The following SYT14 variants were observed in gnomAD, a reference collection of about 807,000 sequenced individuals.
SYT14 encodes synaptotagmin 14, also known as synaptotagmin-14.
Under a neutral mutation model 74.2 loss-of-function variants are expected in SYT14, and 32 were observed. The observed-to-expected ratio is 0.43, with a 90% CI of 0.33 to 0.58. SYT14 has a LOEUF of 0.58. Among genes scored for constraint, SYT14 ranks in the 20% least tolerant of loss-of-function variants. The pLI is 0.05. For synonymous variants in SYT14, 298 were observed against 337.7 expected, an observed-to-expected ratio of 0.88 and a Z score of 1.29; for missense variants, 791 against 981.8, an observed-to-expected ratio of 0.81 and a Z score of 2.60.
At chr1:209,962,755 G>T (rs1300768023) in intron 2 of SYT14, among the ~76,000 whole-genome samples, 3 of 152,076 alleles carry the variant, frequency 2.0e-5, no homozygotes, top group Non-Finnish European at 4.4e-5. Context: ...TATTATGGAG[G>T]TCATAGGAGT....
At chr1:210,167,597 C>A (rs1485862339) in exon 10 of SYT14, 1 of 152,158 alleles carries the variant, frequency 6.6e-6, no homozygotes, top group Non-Finnish European at 1.5e-5. Flanking sequence ...GGTTATCCCA[C>A]TTAAAAATGA....
intron 7 of SYT14, among the ~76,000 whole-genome samples, chr1:210,102,474 GT>G (rs2082085514): frequency 6.6e-6 from 1 of 151,768 alleles, no homozygotes; most frequent in Non-Finnish European, 1.5e-5. Flanking sequence ...CAGTTGTTTA[GT>G]CATTAAAATA....
chr1:210,148,207 G>A (rs1327961122), intron 7 of SYT14, among the ~76,000 whole-genome samples: 1 of 152,134 alleles, frequency 6.6e-6, no homozygotes, highest in Non-Finnish European at 1.5e-5. Flanking sequence ...GCCCCTATCA[G>A]TATTATAAGG....
intron 5 of SYT14, among the ~76,000 whole-genome samples, chr1:210,029,131 T>C (rs2080474320): frequency 6.6e-6 from 1 of 152,168 alleles, no homozygotes; most frequent in Non-Finnish European, 1.5e-5. Flanking sequence ...TGTTGGTTGG[T>C]TGTTGAGTTT....
intron 1 of SYT14, among the ~76,000 whole-genome samples, chr1:209,945,996 ATTG>A (rs2078817167): frequency 6.6e-6 from 1 of 152,010 alleles, no homozygotes; most frequent in Non-Finnish European, 1.5e-5. Flanking sequence ...CTTTTTCATT[ATTG>A]TTATATTTGT....
At chr1:210,112,237 C>G (rs2082276916) in intron 7 of SYT14, among the ~76,000 whole-genome samples, 1 of 151,172 alleles carries the variant, frequency 6.6e-6, no homozygotes, top group Non-Finnish European at 1.5e-5. Context: ...TTTGCCAGTC[C>G]TGGGCAGGGG....
In SYT14 at chr1:210,054,680, C is replaced by G. The variant is rs550240359; in HGVS notation, c.1312+33426C>G. On this transcript the variant is annotated intron_variant, in intron 5 of 9. Coordinates refer to ENST00000637265, the Ensembl canonical transcript of SYT14. ...AGGAATATGACCATTTCATTTCAGACTCCCACATGTCAGTGTTTATAACTG... is the reference window on the plus strand; with the variant it reads ...AGGAATATGACCATTTCATTTCAGAGTCCCACATGTCAGTGTTTATAACTG... Among the ~76,000 whole-genome samples the G allele has an allele frequency of 2.0e-5, 3 of 152,266 alleles. No individual in the cohort carries two copies. The South Asian group carries it at 6.2e-4, about 32-fold the overall frequency.
chr1:209,985,755 AG>A (rs1173285010), intron 2 of SYT14, among the ~76,000 whole-genome samples: 2 of 152,246 alleles, frequency 1.3e-5, no homozygotes, highest in African/African-American at 4.8e-5. Flanking sequence ...AAATCTAGGC[AG>A]AGGCTGCCAA....
At position 210,111,079 on chromosome 1, in the gene SYT14, G is replaced by A. The variant is rs370896435; in HGVS notation, c.2034+10618G>A. Among the ~76,000 whole-genome samples the A allele has an allele frequency of 6.6e-5, 10 of 152,226 alleles. No homozygotes were observed. In the East Asian group the frequency reaches 9.7e-4, roughly 15 times the overall value. On this transcript the variant is annotated intron_variant, in intron 7 of 9. Transcript: ENST00000637265. ...ACTTATCTATGTAAACCCAAAATCC[G>A]GTACTAATTTTCACACACGTCTGTG...
intron 2 of SYT14, among the ~76,000 whole-genome samples, chr1:209,989,873 A>G (rs556164713): frequency 3.9e-5 from 6 of 151,956 alleles, no homozygotes; most frequent in Admixed American, 6.6e-5. Flanking sequence ...CGTCGTTTTT[A>G]TTTAAACTCT....
intron 5 of SYT14, among the ~76,000 whole-genome samples, chr1:210,026,189 A>G (rs1036462581): frequency 6.6e-6 from 1 of 152,124 alleles, no homozygotes; most frequent in Admixed American, 6.6e-5. Context: ...TTTTGTTCAC[A>G]GTTTTAATTT....
chr1:209,985,213 C>T (rs1356333595), intron 2 of SYT14, among the ~76,000 whole-genome samples: 1 of 152,198 alleles, frequency 6.6e-6, no homozygotes, highest in Non-Finnish European at 1.5e-5. Flanking sequence ...CCTGTAAAAT[C>T]AAACAAATTA....
intron 5 of SYT14, among the ~76,000 whole-genome samples, chr1:210,076,285 A>G (rs1186883087): frequency 6.6e-6 from 1 of 152,226 alleles, no homozygotes; most frequent in African/African-American, 2.4e-5. Flanking sequence ...GCCATGGTGT[A>G]TACTCCTGAA....
intron 5 of SYT14, among the ~76,000 whole-genome samples, chr1:210,051,770 C>T (rs894732966): frequency 3.1e-5 from 4 of 131,096 alleles, no homozygotes; most frequent in Non-Finnish European, 7.2e-5. Context: ...TCTGAATAAG[C>T]TCCTAACTTA....
chr1:210,107,398 G>A (rs1485456224), intron 7 of SYT14, among the ~76,000 whole-genome samples: 1 of 152,126 alleles, frequency 6.6e-6, no homozygotes, highest in Admixed American at 6.6e-5. Flanking sequence ...TTCTACCCTT[G>A]GCCCCTCCCA....
At chr1:210,154,511 T>C (rs1041167835) in intron 7 of SYT14, among the ~76,000 whole-genome samples, 2 of 152,262 alleles carry the variant, frequency 1.3e-5, no homozygotes, top group African/African-American at 4.8e-5. Context: ...AACAACTTTC[T>C]TCTAGTATCC....
chr1:210,080,231 T>C (rs564869988), intron 5 of SYT14, among the ~76,000 whole-genome samples: 1 of 152,362 alleles, frequency 6.6e-6, no homozygotes, highest in East Asian at 1.9e-4. Flanking sequence ...TGTCATTTCA[T>C]TTAATTGTTT....
At chr1:209,995,329 A>G (rs1040038136) in intron 2 of SYT14, among the ~76,000 whole-genome samples, 1 of 152,194 alleles carries the variant, frequency 6.6e-6, no homozygotes, top group African/African-American at 2.4e-5. Context: ...AAAGAGCAGA[A>G]GTCACTATTC....
rs896549876 is a variant in SYT14 at position 209,984,559 on chromosome 1, T to A, written c.-485-29074T>A. ...TTAGTACACTGTATTCTTTTTGTTG[T>A]ATATCTGGGTTTCCATCTTGTGTCA... is the stretch of plus-strand genomic sequence containing the variant. On this transcript the variant is annotated intron_variant, in intron 2 of 9. Transcript: ENST00000637265. Among the ~76,000 whole-genome samples the A allele has an allele frequency of 2.0e-5, 3 of 152,236 alleles. No homozygotes were observed. In the East Asian group the frequency reaches 5.8e-4, roughly 29 times the overall value.
Sources: allele counts gnomAD v4.1 joint callset (sites outside exome capture counted in the v4.1 genomes callset), GRCh38; gene constraint gnomAD v4.1.1; transcripts MANE v1.5; gene names NCBI Gene and HGNC (gene_info 2026-07-23, HGNC 2026-07-21).